Variants in PAQR3 observed in about 807,000 individuals in gnomAD.
The protein encoded by PAQR3 is Raf kinase trapping to Golgi.
Under a neutral mutation model 41.7 loss-of-function variants are expected in PAQR3, and 39 were observed. That is an observed-to-expected ratio of 0.93 (90% confidence interval 0.72 to 1.22). The LOEUF (loss-of-function observed/expected upper bound fraction) is 1.22. Among genes scored for constraint, PAQR3 ranks in the 50% most tolerant of loss-of-function variants. The probability of loss-of-function intolerance (pLI) is 0.00; values close to 1 mark genes in which losing one functional copy is unlikely to be tolerated. For synonymous variants in PAQR3, 140 were observed against 140.6 expected (o/e 1.00, Z 0.03); for missense variants, 366 against 385.6 (o/e 0.95, Z 0.42).
downstream of PAQR3, among the ~76,000 whole-genome samples, chr4:78,907,250 A>G (rs1734331906): frequency 2.0e-5 from 3 of 152,208 alleles, no homozygotes; most frequent in African/African-American, 7.2e-5. Flanking sequence ...ATAAATGTGT[A>G]TTTCTATTAA....
In PAQR3 at chr4:78,920,485, A is replaced by G; in HGVS notation, c.*54T>C. On this transcript the variant is annotated 3_prime_UTR_variant, in exon 6 of 6. Transcript: ENST00000512733. ...AATCTTAGAAATAGTGGGGTATACAATTCCCCATTATATATTGCTTAACAA... is the reference window on the plus strand; with the variant it reads ...AATCTTAGAAATAGTGGGGTATACAGTTCCCCATTATATATTGCTTAACAA... The G allele has an allele frequency of 1.9e-6, 3 of 1,539,376 alleles. No individual in the cohort carries two copies. The highest frequency in any genetic ancestry group is 2.6e-6 in the Non-Finnish European group (3 of 1,141,398).
Position 78,918,997 on chromosome 4 carries a change from ACG to A in PAQR3, c.*1540_*1541del. 1 of 985,018 alleles carries A rather than the reference ACG, an allele frequency of 1.0e-6. No homozygotes were observed. Among genetic ancestry groups the A allele is most frequent in the Non-Finnish European group, 1.2e-6 (1 of 829,690 alleles). 61.0% of individuals were successfully genotyped at this position (985,018 alleles called of 1,614,324 possible). On this transcript the variant is annotated 3_prime_UTR_variant, in exon 6 of 6. Transcript: ENST00000512733. ...CTTCCATCATAACGATGGGTAAGAC[ACG>A]GTATTCCTTTACTGAGCCTCCTGGG...
At chr4:78,922,380 C>T (rs1201113395) in intron 5 of PAQR3, 12 of 1,288,600 alleles carry the variant, frequency 9.3e-6, no homozygotes, top group Non-Finnish European at 1.2e-5. Flanking sequence ...ACACACGTGA[C>T]GAGTGGTACA....
In PAQR3 at chr4:78,922,376, G is replaced by A. The variant is rs115668029; in HGVS notation, c.793+1481C>T. On this transcript the variant is annotated intron_variant, in intron 5 of 5. Coordinates refer to ENST00000512733, the MANE Select transcript of PAQR3 (RefSeq NM_001040202.2). ...CACCCTTTCTTCTTTCCCAACACAC[G>A]TGACGAGTGGTACAATCCCTTCTCT... is the stretch of plus-strand genomic sequence containing the variant. 618 of 1,288,594 alleles carry A rather than the reference G, an allele frequency of 4.8e-4. 7 individuals are homozygous for A. In the African/African-American group the frequency reaches 8.2e-3, roughly 17 times the overall value. The allele number at this position is 1,288,594 out of a possible 1,614,324, so 79.8% of individuals were successfully genotyped here.
chr4:78,911,271 T>C (rs780642619), downstream of PAQR3: 5 of 1,613,864 alleles, frequency 3.1e-6, no homozygotes, highest in Admixed American at 3.3e-5. Context: ...AGAAGGTGAA[T>C]GTACAAGAAT....
Position 78,917,758 on chromosome 4 carries a change from T to G in PAQR3, c.*2781A>C, listed in dbSNP as rs1211966526. 1 of 947,580 alleles carries G rather than the reference T, an allele frequency of 1.1e-6. No homozygotes were observed. The highest frequency in any genetic ancestry group is 1.3e-6 in the Non-Finnish European group (1 of 795,586). 58.7% of individuals were successfully genotyped at this position (947,580 alleles called of 1,614,324 possible). On this transcript the variant is annotated 3_prime_UTR_variant, in exon 6 of 6. Transcript: ENST00000512733. ...ACAGGGCAAAGTATTATCTAGTAGG[T>G]ACCTGCCAAATGGAGAGTTGTACAG...
rs1434329987 is a variant in PAQR3 at position 78,913,543 on chromosome 4, CTCA to C, written c.*6993_*6995del. On this transcript the variant is annotated 3_prime_UTR_variant, in exon 6 of 6. Transcript: ENST00000512733. ...TGCTATTTACAGAAAGGAGTAGAAACTCATCAACTGGCACTCTCTTTGATTTTT... is the reference window on the plus strand; with the variant it reads ...TGCTATTTACAGAAAGGAGTAGAAACTCAACTGGCACTCTCTTTGATTTTT... 4.6e-5 allele frequency: 7 copies of C among 152,132 alleles called. No individual in the cohort carries two copies. Among genetic ancestry groups the C allele is most frequent in the Non-Finnish European group, 8.8e-5 (6 of 68,002 alleles). 9.4% of individuals were successfully genotyped at this position (152,132 alleles called of 1,614,324 possible).
rs2110130356 is a variant in PAQR3, at chr4:78,919,813, A to G, written c.*726T>C. The G allele has an allele frequency of 2.0e-6, 2 of 982,242 alleles. No individual in the cohort carries two copies. The highest frequency in any genetic ancestry group is 3.5e-5 in the African/African-American group (2 of 57,268). The allele number at this position is 982,242 out of a possible 1,614,324, so 60.8% of individuals were successfully genotyped here. A position where few individuals can be genotyped will look rare whatever the true frequency, so the allele number is the denominator to read the frequency against. ...TAAAATGTTTAGGTGGCTAATGACTATATTATTTGACCACATAATTTGTTG... is the reference window on the plus strand; with the variant it reads ...TAAAATGTTTAGGTGGCTAATGACTGTATTATTTGACCACATAATTTGTTG... On this transcript the variant is annotated 3_prime_UTR_variant, in exon 6 of 6. Transcript: ENST00000512733.
chr4:78,929,881 G>A (rs1300172282), intron 3 of PAQR3, among the ~76,000 whole-genome samples: 7 of 151,988 alleles, frequency 4.6e-5, no homozygotes, highest in Non-Finnish European at 7.4e-5. Context: ...GAGGAACCAC[G>A]CAGCCATATA....
chr4:78,901,408 T>A (rs1733999739), intron 11 of PAQR3, among the ~76,000 whole-genome samples: 2 of 152,142 alleles, frequency 1.3e-5, no homozygotes, highest in African/African-American at 4.8e-5. Flanking sequence ...TACTGGCTAC[T>A]TGATAAGAAA....
intron 2 of PAQR3, chr4:78,930,632 A>C (rs1166140888): frequency 5.5e-6 from 1 of 183,204 alleles, no homozygotes; most frequent in Non-Finnish European, 1.1e-5. Flanking sequence ...GGAAAGTTAT[A>C]CAATGCAAAT....
At chr4:78,896,268 C>T (rs1733698281) in intron 11 of PAQR3, among the ~76,000 whole-genome samples, 1 of 152,094 alleles carries the variant, frequency 6.6e-6, no homozygotes, top group Admixed American at 6.6e-5. Context: ...GTTTTTTATA[C>T]AAATGCCTAT....
chr4:78,922,726 A>G, intron 5 of PAQR3: 1 of 361,806 alleles, frequency 2.8e-6, no homozygotes, highest in East Asian at 7.3e-5. Flanking sequence ...ACTGTGTTAC[A>G]TGCATTTTCT....
downstream of PAQR3, among the ~76,000 whole-genome samples, chr4:78,910,208 C>CTT (rs1286092676): frequency 1.3e-5 from 2 of 152,150 alleles, no homozygotes; most frequent in Non-Finnish European, 2.9e-5. Flanking sequence ...TATGGGAAAA[C>CTT]TTTACAAGAG....
chr4:78,903,928 G>T (rs12650337), intron 11 of PAQR3, among the ~76,000 whole-genome samples: 10,484 of 151,960 alleles, frequency 0.069, 501 homozygotes, highest in East Asian at 0.22. Flanking sequence ...TTTTAAGCCA[G>T]TGTCAGCAGA....
intron 11 of PAQR3, among the ~76,000 whole-genome samples, chr4:78,891,062 T>G (rs1159998742): frequency 6.6e-6 from 1 of 152,156 alleles, no homozygotes; most frequent in Non-Finnish European, 1.5e-5. Flanking sequence ...TAAACTTTGC[T>G]GCCTAAAAGT....
chr4:78,908,716 C>A (rs996247772), downstream of PAQR3, among the ~76,000 whole-genome samples: 1 of 152,102 alleles, frequency 6.6e-6, no homozygotes, highest in Non-Finnish European at 1.5e-5. Flanking sequence ...TTTTAGTACT[C>A]CTCTTCACTT....
intron 4 of PAQR3, among the ~76,000 whole-genome samples, chr4:78,926,047 T>G (rs1290393153): frequency 6.6e-6 from 1 of 152,172 alleles, no homozygotes; most frequent in African/African-American, 2.4e-5. Context: ...CTGGCTGAAA[T>G]CCCAGATCCT....
intron 3 of PAQR3, among the ~76,000 whole-genome samples, chr4:78,928,743 G>A (rs753866163): frequency 2.0e-5 from 3 of 152,118 alleles, no homozygotes; most frequent in Non-Finnish European, 2.9e-5. Flanking sequence ...AGATGGTTTC[G>A]GGATAATTCA....
Sources: gnomAD v4.1 joint callset for allele counts (sites outside exome capture counted in the v4.1 genomes callset) on GRCh38, gnomAD v4.1.1 for gene constraint, MANE v1.5 for transcripts, NCBI Gene and HGNC (gene_info 2026-07-23, HGNC 2026-07-21) for gene names.